KDM4C: variants seen among roughly 807,000 people sequenced by gnomAD.
KDM4C encodes the protein lysine-specific demethylase 4C.
In KDM4C, 81 loss-of-function variants were observed where a neutral mutation model predicts 129.3. The ratio of observed to expected loss-of-function variants is 0.63; its 90% CI spans 0.52 to 0.75. The LOEUF is 0.75. Ranked by LOEUF, KDM4C falls within the 30% of genes least tolerant of loss-of-function variation. KDM4C has a pLI of 0.00. For synonymous variants in KDM4C, 573 were observed against 456.1 expected, an observed-to-expected ratio of 1.26 and a Z score of -3.26; for missense variants, 1,457 against 1,304.0, an observed-to-expected ratio of 1.12 and a Z score of -1.81.
chr9:7,123,717 G>T (rs1351257061), intron 18 of KDM4C, among the ~76,000 whole-genome samples: 1 of 152,188 alleles, frequency 6.6e-6, no homozygotes, highest in Non-Finnish European at 1.5e-5. Context: ...GTTAACAAAG[G>T]CTTTGGGAGC....
At chr9:6,885,975 C>G (rs898387218) in intron 6 of KDM4C, among the ~76,000 whole-genome samples, 3 of 152,206 alleles carry the variant, frequency 2.0e-5, no homozygotes, top group Non-Finnish European at 4.4e-5. Context: ...ATGGAATAGA[C>G]TCTTCTTTCT....
chr9:6,950,042 GTTT>G (rs35466020), intron 8 of KDM4C, among the ~76,000 whole-genome samples: 1 of 122,632 alleles, frequency 8.2e-6, no homozygotes, highest in Admixed American at 8.0e-5. Context: ...CATGTGGCTG[GTTT>G]TTTTTTTTTT....
chr9:6,982,249 A>G (rs974858804), intron 9 of KDM4C: 1 of 149,524 alleles, frequency 6.7e-6, no homozygotes, highest in Non-Finnish European at 1.5e-5. Context: ...TTTTCTGCTT[A>G]TTTAGAGTGG....
chr9:6,895,838 G>A (rs1326418588), intron 8 of KDM4C, among the ~76,000 whole-genome samples: 1 of 152,136 alleles, frequency 6.6e-6, no homozygotes, highest in East Asian at 1.9e-4. Context: ...TAAAGAGATA[G>A]TTTCGAATGT....
chr9:7,018,595 C>G (rs1824110009), intron 15 of KDM4C, among the ~76,000 whole-genome samples: 1 of 152,214 alleles, frequency 6.6e-6, no homozygotes, highest in East Asian at 1.9e-4. Flanking sequence ...CTGATCAGCT[C>G]ACCAAGGCAT....
intron 18 of KDM4C, among the ~76,000 whole-genome samples, chr9:7,108,930 A>C (rs957906412): frequency 6.6e-5 from 10 of 152,204 alleles, no homozygotes; most frequent in South Asian, 2.1e-4. Flanking sequence ...GTACACTTTT[A>C]TGTGAATTTA....
At chr9:7,145,198 G>A (rs540250867) in intron 19 of KDM4C, among the ~76,000 whole-genome samples, 58 of 152,270 alleles carry the variant, frequency 3.8e-4, no homozygotes, top group African/African-American at 1.2e-3. Context: ...AGAGGGTGGC[G>A]GGGGAGAAAG....
intron 4 of KDM4C, among the ~76,000 whole-genome samples, chr9:6,828,520 C>T (rs1408796740): frequency 6.6e-6 from 1 of 152,026 alleles, no homozygotes; most frequent in Non-Finnish European, 1.5e-5. Flanking sequence ...TAAGGAAATA[C>T]TGACCTTGGA....
chr9:7,100,113 C>T (rs565679737), intron 17 of KDM4C, among the ~76,000 whole-genome samples: 9 of 151,946 alleles, frequency 5.9e-5, no homozygotes, highest in East Asian at 1.9e-4. Context: ...AAATCAAGGC[C>T]GGTTGTGGCG....
At position 6,793,032 on chromosome 9, in the gene KDM4C, A is replaced by C; in HGVS notation, c.44A>C (p.Lys15Thr). The C allele has an allele frequency of 6.2e-7, 1 of 1,614,194 alleles. No individual in the cohort carries two copies. Among genetic ancestry groups the C allele is most frequent in the Non-Finnish European group, 8.5e-7 (1 of 1,180,030 alleles). The change falls in exon 2 of 22, where the codon AAG becomes ACG. Residue 15 changes from lysine to threonine, a missense_variant. Transcript: ENST00000381309. ...GAAAGTCCTCTGAACCCCAGCTGTAAGATAATGACCTTCAGACCCTCCATG... is the reference window on the plus strand; with the variant it reads ...GAAAGTCCTCTGAACCCCAGCTGTACGATAATGACCTTCAGACCCTCCATG... Reference protein sequence around the residue: ...EVESPLNPSCKIMTFRPSMEE... With the variant: ...EVESPLNPSCTIMTFRPSMEE...
intron 1 of KDM4C, among the ~76,000 whole-genome samples, chr9:6,778,623 G>A (rs923607646): frequency 2.0e-5 from 3 of 151,388 alleles, no homozygotes; most frequent in Admixed American, 6.6e-5. Context: ...AAAAATTAGC[G>A]GGGCGTGGTG....
chr9:7,110,512 C>G (rs1838201315), intron 18 of KDM4C, among the ~76,000 whole-genome samples: 1 of 152,126 alleles, frequency 6.6e-6, no homozygotes, highest in African/African-American at 2.4e-5. Flanking sequence ...CTAAAATTCT[C>G]TTAACTCTTC....
At chr9:7,136,642 A>G (rs749380750) in intron 19 of KDM4C, among the ~76,000 whole-genome samples, 1 of 152,236 alleles carries the variant, frequency 6.6e-6, no homozygotes, top group Non-Finnish European at 1.5e-5. Context: ...TGAAAAGCCT[A>G]TTCAAACCAG....
chr9:6,847,902 C>T (rs1385783542), intron 4 of KDM4C, among the ~76,000 whole-genome samples: 1 of 152,140 alleles, frequency 6.6e-6, no homozygotes, highest in Non-Finnish European at 1.5e-5. Flanking sequence ...GATTAACACA[C>T]TGATTAGAAA....
At chr9:7,050,318 A>G (rs1438854981) in intron 17 of KDM4C, among the ~76,000 whole-genome samples, 3 of 151,848 alleles carry the variant, frequency 2.0e-5, no homozygotes, top group South Asian at 4.2e-4. Flanking sequence ...TAAGATGGAA[A>G]TGAGTGGGCC....
intron 19 of KDM4C, among the ~76,000 whole-genome samples, chr9:7,158,971 A>G (rs1169228968): frequency 6.6e-6 from 1 of 152,054 alleles, no homozygotes; most frequent in Admixed American, 6.5e-5. Context: ...ATTGTGTGGG[A>G]GTCTAAGTCT....
chr9:6,833,909 G>C (rs896510612), intron 4 of KDM4C, among the ~76,000 whole-genome samples: 3 of 152,120 alleles, frequency 2.0e-5, no homozygotes, highest in Non-Finnish European at 2.9e-5. Flanking sequence ...AAGAATGTTT[G>C]TTTAGGAGTC....
intron 18 of KDM4C, among the ~76,000 whole-genome samples, chr9:7,107,847 T>TTTGTTG (rs3072910): frequency 7.1e-4 from 108 of 151,760 alleles, no homozygotes; most frequent in Middle Eastern, 3.4e-3. Flanking sequence ...ACAGAAAGTA[T>TTTGTTG]TTGTTGTTGT....
intron 19 of KDM4C, among the ~76,000 whole-genome samples, chr9:7,163,883 T>G (rs1198578593): frequency 6.6e-6 from 1 of 152,208 alleles, no homozygotes; most frequent in African/African-American, 2.4e-5. Flanking sequence ...AAACTATTTT[T>G]TTCTTTGCTT....
Sources: gnomAD v4.1 joint callset for allele counts (sites outside exome capture counted in the v4.1 genomes callset) on GRCh38, gnomAD v4.1.1 for gene constraint, MANE v1.5 for transcripts, NCBI Gene and HGNC (gene_info 2026-07-23, HGNC 2026-07-21) for gene names.